Variants in GALNT13 observed in about 807,000 individuals in gnomAD.
The protein encoded by GALNT13 is UDP-GalNAc:polypeptide N-acetylgalactosaminyltransferase 13.
A neutral mutation model predicts 64.2 loss-of-function variants in GALNT13; 28 were observed. That is an observed-to-expected ratio of 0.44 (90% confidence interval 0.32 to 0.60). The LOEUF (loss-of-function observed/expected upper bound fraction) is 0.60. GALNT13 is among the 20% of genes least tolerant of loss of function. The pLI is 0.05. For missense variants in GALNT13, 577 were observed against 669.8 expected, an observed-to-expected ratio of 0.86 and a Z score of 1.53; for synonymous variants, 214 against 224.6, an observed-to-expected ratio of 0.95 and a Z score of 0.42.
the GALNT13 span, among the ~76,000 whole-genome samples, chr2:153,227,998 T>C: frequency 0.34 from 51,904 of 152,124 alleles, 9,026 homozygotes; most frequent in Middle Eastern, 0.5. Flanking sequence ...AGTTGTTCTA[T>C]TCCTTATAAG....
chr2:154,115,953 C>T (rs994201018), intron 3 of GALNT13, among the ~76,000 whole-genome samples: 1 of 152,152 alleles, frequency 6.6e-6, no homozygotes, highest in South Asian at 2.1e-4. Flanking sequence ...ACACTCTGAA[C>T]CTTACCTCTA....
At chr2:153,421,720 T>C in the GALNT13 span, 1 of 286,574 alleles carries the variant, frequency 3.5e-6, no homozygotes. Flanking sequence ...GAGCTGGTGG[T>C]AGGTGCCAGT....
chr2:153,875,153 G>T (rs2105220599), intron 1 of GALNT13, among the ~76,000 whole-genome samples: 1 of 152,038 alleles, frequency 6.6e-6, no homozygotes, highest in East Asian at 1.9e-4. Flanking sequence ...CTGCATGAAT[G>T]TGAGAATTTC....
chr2:154,044,208 G>T (rs1699166380), intron 3 of GALNT13, among the ~76,000 whole-genome samples: 1 of 152,120 alleles, frequency 6.6e-6, no homozygotes, highest in African/African-American at 2.4e-5. Flanking sequence ...GAAGTGAATG[G>T]GAGAGAGGCT....
At chr2:153,601,860 A>T in the GALNT13 span, among the ~76,000 whole-genome samples, 2 of 151,918 alleles carry the variant, frequency 1.3e-5, no homozygotes, top group Non-Finnish European at 2.9e-5. Context: ...AAGAAATCTT[A>T]AACATCTAGG....
At chr2:153,333,247 C>A in the GALNT13 span, among the ~76,000 whole-genome samples, 1 of 152,186 alleles carries the variant, frequency 6.6e-6, no homozygotes, top group African/African-American at 2.4e-5. Context: ...AATGTTCAAG[C>A]CTCTTCCCAA....
At chr2:154,141,264 A>C (rs1331085880) in intron 4 of GALNT13, among the ~76,000 whole-genome samples, 3 of 152,040 alleles carry the variant, frequency 2.0e-5, no homozygotes, top group African/African-American at 7.3e-5. Context: ...GGTTATACTA[A>C]ATTTCTTTTT....
At chr2:153,355,664 T>G in the GALNT13 span, among the ~76,000 whole-genome samples, 22 of 152,318 alleles carry the variant, frequency 1.4e-4, no homozygotes, top group African/African-American at 4.8e-4. Context: ...AAACAGCATG[T>G]AAACCTGAAA....
At chr2:153,413,219 C>A in the GALNT13 span, among the ~76,000 whole-genome samples, 3 of 152,120 alleles carry the variant, frequency 2.0e-5, no homozygotes, top group South Asian at 6.2e-4. Context: ...CGTATCCTAT[C>A]TGACCTCTCC....
At chr2:153,756,360 T>C in the GALNT13 span, among the ~76,000 whole-genome samples, 1 of 152,116 alleles carries the variant, frequency 6.6e-6, no homozygotes, top group Non-Finnish European at 1.5e-5. Flanking sequence ...GGAATATAAG[T>C]GCTTATAAAT....
chr2:154,179,698 GCTTT>G (rs920093704), intron 4 of GALNT13, among the ~76,000 whole-genome samples: 11 of 151,874 alleles, frequency 7.2e-5, no homozygotes, highest in South Asian at 6.2e-4. Flanking sequence ...ATCTTTAAGG[GCTTT>G]CTTTTTCTCA....
chr2:153,557,663 A>G, the GALNT13 span, among the ~76,000 whole-genome samples: 5 of 152,320 alleles, frequency 3.3e-5, no homozygotes, highest in East Asian at 1.9e-4. Context: ...AAAGACATAA[A>G]TCATGTCACT....
At chr2:153,260,382 G>T in the GALNT13 span, among the ~76,000 whole-genome samples, 1 of 152,128 alleles carries the variant, frequency 6.6e-6, no homozygotes, top group Admixed American at 6.5e-5. Flanking sequence ...TGTAGGACAG[G>T]TCCAGTGTTG....
intron 4 of GALNT13, among the ~76,000 whole-genome samples, chr2:154,168,393 A>G (rs1685152981): frequency 6.6e-6 from 1 of 152,156 alleles, no homozygotes; most frequent in Non-Finnish European, 1.5e-5. Context: ...CACATTATGG[A>G]AAGTAATCTG....
the GALNT13 span, among the ~76,000 whole-genome samples, chr2:153,069,992 A>T: frequency 6.6e-6 from 1 of 152,182 alleles, no homozygotes; most frequent in Non-Finnish European, 1.5e-5. Context: ...GAGCCTGTGA[A>T]CAATTTTGTC....
chr2:153,213,540 A>G, the GALNT13 span, among the ~76,000 whole-genome samples: 252 of 152,300 alleles, frequency 1.7e-3, no homozygotes, highest in African/African-American at 5.8e-3. Flanking sequence ...TTATGTACTT[A>G]TTACACCAGA....
At chr2:153,566,354 T>TTTTTTTTTTTTTTTTG in the GALNT13 span, among the ~76,000 whole-genome samples, 7 of 80,628 alleles carry the variant, frequency 8.7e-5, no homozygotes, top group Non-Finnish European at 1.8e-4. Flanking sequence ...TCACGTTTTT[T>TTTTTTTTTTTTTTTTG]TTTTTTTTTT....
intron 10 of GALNT13, among the ~76,000 whole-genome samples, chr2:154,403,805 C>T (rs1699406765): frequency 6.6e-6 from 1 of 152,184 alleles, no homozygotes; most frequent in Non-Finnish European, 1.5e-5. Context: ...TCCTCCCTTG[C>T]TCCTTCCAGG....
chr2:153,913,699 C>G (rs559982981), intron 2 of GALNT13, among the ~76,000 whole-genome samples: 35 of 152,266 alleles, frequency 2.3e-4, no homozygotes, highest in African/African-American at 7.5e-4. Flanking sequence ...CTCCTACTTT[C>G]TGCAGGAGTT....
Sources: allele counts gnomAD v4.1 joint callset (sites outside exome capture counted in the v4.1 genomes callset), GRCh38; gene constraint gnomAD v4.1.1; transcripts MANE v1.5; gene names NCBI Gene and HGNC (gene_info 2026-07-23, HGNC 2026-07-21).